The following XPO4 variants were observed in gnomAD, a reference collection of about 807,000 sequenced individuals.
XPO4 encodes the protein exportin 4, also known as exportin-4.
Under a neutral mutation model 143.0 loss-of-function variants are expected in XPO4, and 39 were observed. The ratio of observed to expected loss-of-function variants is 0.27; its 90% confidence interval spans 0.21 to 0.36. The LOEUF is 0.36. Ranked by LOEUF, XPO4 falls within the 10% of genes least tolerant of loss-of-function variation. The pLI, the probability that XPO4 is intolerant of heterozygous loss-of-function variation, is 1.00. For missense variants in XPO4, 907 were observed against 1,348.0 expected (o/e 0.67, Z 5.12); for synonymous variants, 439 against 474.0 (o/e 0.93, Z 0.96).
In XPO4 at chr13:20,806,539, C is replaced by CT. The variant is rs3056347; in HGVS notation, c.1817+917dup. Among the ~76,000 whole-genome samples the CT allele has an allele frequency of 5.7e-3, 353 of 61,652 alleles. 23 individuals carry two copies. The highest frequency in any genetic ancestry group is 0.022 in the African/African-American group (321 of 14,738). 40.4% of individuals were successfully genotyped at this position (61,652 alleles called of 152,430 possible). On this transcript the variant is annotated intron_variant, in intron 13 of 22. Transcript: ENST00000255305. ...TGTTTTCAAATTCACTTTCAGGACC[C>CT]TTTTTTTTTTTTTTTTTTTTTTTTT...
chr13:20,787,311 A>G (rs958585533), intron 21 of XPO4, among the ~76,000 whole-genome samples, 170 bp downstream of exon 21: 1 of 152,262 alleles, frequency 6.6e-6, no homozygotes, highest in African/African-American at 2.4e-5. Context: ...ATAGAGGATG[A>G]GAATGTGTCC....
chr13:20,831,458 T>C (rs2138011130), intron 6 of XPO4, among the ~76,000 whole-genome samples: 1 of 152,302 alleles, frequency 6.6e-6, no homozygotes, highest in Non-Finnish European at 1.5e-5. Flanking sequence ...TTTTATTACA[T>C]GCTAGTCAAA....
intron 1 of XPO4, among the ~76,000 whole-genome samples, chr13:20,888,724 TAATGAC>T (rs1208153283): frequency 3.3e-5 from 5 of 151,964 alleles, no homozygotes; most frequent in African/African-American, 1.2e-4. Flanking sequence ...TTCCCAATCA[TAATGAC>T]AAAGAGAAGA....
intron 1 of XPO4, among the ~76,000 whole-genome samples, chr13:20,875,031 G>C (rs1011300302): frequency 1.3e-4 from 20 of 152,084 alleles, no homozygotes; most frequent in Non-Finnish European, 2.1e-4. Context: ...TACCCAGTTT[G>C]TAGTATTCTG....
At chr13:20,885,693 C>T (rs1164247210) in intron 1 of XPO4, among the ~76,000 whole-genome samples, 2 of 152,164 alleles carry the variant, frequency 1.3e-5, no homozygotes, top group Admixed American at 1.3e-4. Context: ...AATCCCAACA[C>T]TTTGGGAGGC....
chr13:20,887,721 C>T (rs529143590), intron 1 of XPO4, among the ~76,000 whole-genome samples: 13 of 151,820 alleles, frequency 8.6e-5, no homozygotes, highest in Non-Finnish European at 1.5e-4. Context: ...ATTAGCCTGG[C>T]GTGGTGGTGC....
At chr13:20,875,278 T>C (rs1235312606) in intron 1 of XPO4, among the ~76,000 whole-genome samples, 1 of 152,210 alleles carries the variant, frequency 6.6e-6, no homozygotes, top group Admixed American at 6.5e-5. Context: ...TGAAACATTT[T>C]GTTAAATTAA....
intron 6 of XPO4, among the ~76,000 whole-genome samples, chr13:20,828,135 G>A (rs935185541): frequency 6.6e-6 from 1 of 152,114 alleles, no homozygotes; most frequent in Non-Finnish European, 1.5e-5. Flanking sequence ...TATTTGGGAG[G>A]CTGAGGCGGG....
In XPO4 at chr13:20,783,338, A is replaced by G; in HGVS notation, c.*384T>C. The G allele has an allele frequency of 4.3e-6, 1 of 233,128 alleles. No individual in the cohort carries two copies. Among genetic ancestry groups the G allele is most frequent in the Non-Finnish European group, 8.5e-6 (1 of 118,100 alleles). 14.4% of individuals were successfully genotyped at this position (233,128 alleles called of 1,614,324 possible). A position where few individuals can be genotyped will look rare whatever the true frequency, so the allele number is the denominator to read the frequency against. The stretch of plus-strand genomic sequence containing the variant: ...ATGGAGATTTTGAGAAACACTGCCT[A>G]GCATATATCCATTTCATATTTAATG... On this transcript the variant is annotated 3_prime_UTR_variant, in exon 23 of 23. Transcript: ENST00000255305.
intron 1 of XPO4, among the ~76,000 whole-genome samples, chr13:20,882,989 A>G (rs1231533176): frequency 6.6e-6 from 1 of 151,624 alleles, no homozygotes; most frequent in Non-Finnish European, 1.5e-5. Context: ...CACATGACTC[A>G]GGCTTCCTCA....
rs1440431341 is a variant in XPO4, at chr13:20,779,728, T to C, written c.*3994A>G. 6.6e-6 allele frequency: 1 copy of C among 152,658 alleles called. No individual in the cohort carries two copies. The highest frequency in any genetic ancestry group is 1.5e-5 in the Non-Finnish European group (1 of 68,044). The allele number at this position is 152,658 out of a possible 1,614,324, so 9.5% of individuals were successfully genotyped here. A position where few individuals can be genotyped will look rare whatever the true frequency, so the allele number is the denominator to read the frequency against. ...ATTCATTCTCTTTAAAAAGTATGAA[T>C]GCCCAGTATTAAGCTTCTATTTTTA... On this transcript the variant is annotated 3_prime_UTR_variant, in exon 23 of 23. Coordinates refer to ENST00000255305, the MANE Select transcript of XPO4 (RefSeq NM_022459.5).
chr13:20,821,950 A>G (rs1172085022), intron 8 of XPO4, 72 bp from the exon 9 acceptor site: 4 of 1,450,066 alleles, frequency 2.8e-6, no homozygotes, highest in Non-Finnish European at 3.7e-6. Flanking sequence ...TCATTTCCAA[A>G]CAAGCAAATA....
intron 2 of XPO4, 136 bp from the exon 3 acceptor site, chr13:20,862,994 T>A: frequency 6.8e-7 from 1 of 1,464,828 alleles, no homozygotes; most frequent in Non-Finnish European, 9.0e-7. Flanking sequence ...TCCAGTGACC[T>A]TGCTCTAGCA....
In XPO4 at chr13:20,778,666, C is replaced by T. The variant is rs1423176173; in HGVS notation, c.*5056G>A. 1 of 151,962 alleles carries T rather than the reference C, an allele frequency of 6.6e-6. No homozygotes were observed. The highest frequency in any genetic ancestry group is 2.4e-5 in the African/African-American group (1 of 41,358). The allele number at this position is 151,962 out of a possible 1,614,324, so 9.4% of individuals were successfully genotyped here. A position where few individuals can be genotyped will look rare whatever the true frequency, so the allele number is the denominator to read the frequency against. ...CTAATACTGGATATTCTGTGAGTACCACGGGTTCTCCCAGAAGGTGATGCA... is the reference window on the plus strand; with the variant it reads ...CTAATACTGGATATTCTGTGAGTACTACGGGTTCTCCCAGAAGGTGATGCA... On this transcript the variant is annotated 3_prime_UTR_variant, in exon 23 of 23. Coordinates refer to ENST00000255305, the MANE Select transcript of XPO4 (RefSeq NM_022459.5).
intron 1 of XPO4, among the ~76,000 whole-genome samples, chr13:20,890,103 G>C (rs1368025194): frequency 6.6e-6 from 1 of 152,140 alleles, no homozygotes; most frequent in East Asian, 1.9e-4. Context: ...TTTGACAGTG[G>C]GAATGCAACA....
rs561910952 is a variant in XPO4, at chr13:20,851,567, A to C, written c.456+4060T>G. The C allele has an allele frequency of 2.6e-5, 14 of 529,366 alleles. No homozygotes were observed. In the East Asian group the frequency reaches 1.5e-3, roughly 57 times the overall value. The allele number at this position is 529,366 out of a possible 1,614,324, so 32.8% of individuals were successfully genotyped here. ...CTACAACAATACAAAAAATTAGCTC[A>C]GTGTGGTGGCATGCACCTGTAGTCC... On this transcript the variant is annotated intron_variant, in intron 4 of 22. Coordinates refer to ENST00000255305, the MANE Select transcript of XPO4 (RefSeq NM_022459.5).
At chr13:20,875,639 A>C (rs1397346936) in intron 1 of XPO4, among the ~76,000 whole-genome samples, 1 of 152,124 alleles carries the variant, frequency 6.6e-6, no homozygotes, top group African/African-American at 2.4e-5. Flanking sequence ...TTATCTTAAA[A>C]GTTGTCCTTA....
intron 3 of XPO4, among the ~76,000 whole-genome samples, chr13:20,858,138 G>A (rs1011903489): frequency 4.0e-5 from 6 of 151,646 alleles, no homozygotes; most frequent in African/African-American, 1.5e-4. Flanking sequence ...TAAATACACT[G>A]TACAATCTCT....
chr13:20,856,394 G>A (rs2060144517), intron 3 of XPO4: 1 of 983,748 alleles, frequency 1.0e-6, no homozygotes, highest in Non-Finnish European at 1.2e-6. Flanking sequence ...CCCATCCCAA[G>A]TGGAGGCATT....
Sources: gnomAD v4.1 joint callset for allele counts (sites outside exome capture counted in the v4.1 genomes callset) on GRCh38, gnomAD v4.1.1 for gene constraint, MANE v1.5 for transcripts, NCBI Gene and HGNC (gene_info 2026-07-23, HGNC 2026-07-21) for gene names.